Variants in KLF8 observed in about 807,000 individuals in gnomAD.
The protein encoded by KLF8 is KLF transcription factor 8.
A neutral mutation model predicts 18.2 loss-of-function variants in KLF8; 10 were observed. The ratio of observed to expected loss-of-function variants is 0.55; its 90% CI spans 0.34 to 0.93. KLF8 has a LOEUF of 0.93. KLF8 is among the 40% of genes least tolerant of loss of function. KLF8 has a pLI of 0.02. For synonymous variants in KLF8, 109 were observed against 97.3 expected (o/e 1.12, Z -0.71); for missense variants, 264 against 277.9 (o/e 0.95, Z 0.36).
At chrX:56,149,785 C>G in the KLF8 span, among the ~76,000 whole-genome samples, 1 of 110,630 alleles carries the variant, frequency 9.0e-6, no homozygotes, top group Admixed American at 9.7e-5. Context: ...AAAGATCTGG[C>G]AATAGTGGGG....
At chrX:56,271,215 T>C (rs771168414) in intron 5 of KLF8, among the ~76,000 whole-genome samples, 2 of 110,929 alleles carry the variant, frequency 1.8e-5, no homozygotes, top group South Asian at 7.8e-4. Context: ...GGGTTGGGAA[T>C]GTAGGTGGCT....
chrX:55,968,972 G>T, the KLF8 span, among the ~76,000 whole-genome samples: 2 of 111,574 alleles, frequency 1.8e-5, no homozygotes, highest in Non-Finnish European at 3.8e-5. Context: ...TATAATTAGA[G>T]CTAAAGAGAG....
chrX:56,085,669 C>G, the KLF8 span, among the ~76,000 whole-genome samples: 1 of 112,184 alleles, frequency 8.9e-6, no homozygotes, highest in African/African-American at 3.2e-5. Flanking sequence ...ATGATTCAAT[C>G]AAGTTTACAC....
At chrX:56,202,870 C>A in the KLF8 span, among the ~76,000 whole-genome samples, 31 of 110,903 alleles carry the variant, frequency 2.8e-4, no homozygotes, top group African/African-American at 9.8e-4. Context: ...CTGTGGTAAA[C>A]CCTGCTGGAA....
chrX:56,047,388 G>T, the KLF8 span, among the ~76,000 whole-genome samples: 4 of 108,214 alleles, frequency 3.7e-5, no homozygotes, highest in East Asian at 8.7e-4. Flanking sequence ...TTAGCATTAG[G>T]TATATCTCCT....
At chrX:56,157,776 G>T in the KLF8 span, among the ~76,000 whole-genome samples, 4 of 111,667 alleles carry the variant, frequency 3.6e-5, no homozygotes, top group Non-Finnish European at 7.5e-5. Context: ...GTTCATTGTA[G>T]ATTCTGGATA....
At chrX:56,175,308 G>T in the KLF8 span, among the ~76,000 whole-genome samples, 1 of 111,683 alleles carries the variant, frequency 9.0e-6, no homozygotes, top group Admixed American at 9.5e-5. Flanking sequence ...CTTTGTTCTT[G>T]TTGGTTTCAA....
the KLF8 span, among the ~76,000 whole-genome samples, chrX:56,183,853 C>T: frequency 9.0e-5 from 10 of 111,253 alleles, no homozygotes; most frequent in South Asian, 3.9e-4. Context: ...ACACAGAAAA[C>T]GGCTCAATGG....
At chrX:55,980,847 C>T in the KLF8 span, among the ~76,000 whole-genome samples, 1 of 112,057 alleles carries the variant, frequency 8.9e-6, no homozygotes, top group Non-Finnish European at 1.9e-5. Flanking sequence ...TAGGCTTCTC[C>T]CCCCCTCCAT....
the KLF8 span, among the ~76,000 whole-genome samples, chrX:56,156,061 G>A: frequency 9.0e-6 from 1 of 111,412 alleles, no homozygotes; most frequent in East Asian, 2.8e-4. Context: ...ACCATTGATG[G>A]GCACCTAGAT....
intron 1 of KLF8, among the ~76,000 whole-genome samples, chrX:56,237,265 G>T (rs1370238756): frequency 9.3e-6 from 1 of 107,372 alleles, no homozygotes; most frequent in Non-Finnish European, 1.9e-5. Context: ...TATAATATTA[G>T]TATATATGTA....
the KLF8 span, among the ~76,000 whole-genome samples, chrX:56,087,997 A>G: frequency 1.8e-5 from 2 of 111,218 alleles, no homozygotes; most frequent in Non-Finnish European, 1.9e-5. Flanking sequence ...ACATATAGCT[A>G]TATGAACATA....
chrX:56,172,820 T>A, the KLF8 span, among the ~76,000 whole-genome samples: 4 of 112,100 alleles, frequency 3.6e-5, no homozygotes, highest in Non-Finnish European at 7.5e-5. Context: ...AGATGGTATC[T>A]CACTGTGGTT....
At chrX:56,240,111 A>T (rs1283991486) in intron 1 of KLF8, among the ~76,000 whole-genome samples, 1 of 112,532 alleles carries the variant, frequency 8.9e-6, no homozygotes, top group Non-Finnish European at 1.9e-5. Context: ...ATAAATATAC[A>T]TAACAGTTGG....
At chrX:56,058,873 G>C in the KLF8 span, among the ~76,000 whole-genome samples, 1 of 111,538 alleles carries the variant, frequency 9.0e-6, no homozygotes, top group Admixed American at 9.5e-5. Flanking sequence ...ACCCAGTAGT[G>C]GGATTGCTGG....
At chrX:56,101,409 T>G in the KLF8 span, among the ~76,000 whole-genome samples, 1 of 112,261 alleles carries the variant, frequency 8.9e-6, no homozygotes, top group Non-Finnish European at 1.9e-5. Flanking sequence ...TATGTTATTG[T>G]GAATAGCACT....
chrX:56,081,800 A>G, the KLF8 span, among the ~76,000 whole-genome samples: 1 of 112,184 alleles, frequency 8.9e-6, no homozygotes, highest in South Asian at 3.7e-4. Context: ...TGTTCCTCAG[A>G]TAAGTCTCAC....
the KLF8 span, among the ~76,000 whole-genome samples, chrX:55,909,468 C>T: frequency 8.9e-6 from 1 of 112,582 alleles, no homozygotes; most frequent in East Asian, 2.8e-4. Context: ...TATTGAATGC[C>T]AGGTGCATTG....
At chrX:55,917,847 C>A in the KLF8 span, among the ~76,000 whole-genome samples, 4 of 111,790 alleles carry the variant, frequency 3.6e-5, no homozygotes, top group African/African-American at 6.5e-5. Flanking sequence ...TTTCTTTTAA[C>A]AAATGAAGAA....
Sources: gnomAD v4.1 joint callset for allele counts (sites outside exome capture counted in the v4.1 genomes callset) on GRCh38, gnomAD v4.1.1 for gene constraint, MANE v1.5 for transcripts, NCBI Gene and HGNC (gene_info 2026-07-23, HGNC 2026-07-21) for gene names.